The following NRG1 variants were observed in gnomAD, a reference collection of about 807,000 sequenced individuals.
The protein encoded by NRG1 is pro-neuregulin-1, membrane-bound isoform.
In NRG1, 18 loss-of-function variants were observed where a neutral mutation model predicts 63.8. The observed-to-expected ratio is 0.28, with a 90% confidence interval of 0.19 to 0.42. The LOEUF is 0.42. NRG1 is among the 10% of genes least tolerant of loss of function. The pLI, the probability that NRG1 is intolerant of heterozygous loss-of-function variation, is 1.00. For synonymous variants in NRG1, 302 were observed against 301.3 expected (o/e 1.00, Z -0.02); for missense variants, 762 against 814.7 (o/e 0.94, Z 0.79).
intron 1 of NRG1, among the ~76,000 whole-genome samples, chr8:31,975,759 T>C (rs1386038913): frequency 6.6e-6 from 1 of 152,188 alleles, no homozygotes; most frequent in Admixed American, 6.5e-5. Flanking sequence ...TCTGTGTCCC[T>C]GTAGTTAACA....
intron 1 of NRG1, among the ~76,000 whole-genome samples, chr8:32,238,581 G>T (rs1847810286): frequency 6.6e-6 from 1 of 152,158 alleles, no homozygotes; most frequent in South Asian, 2.1e-4. Flanking sequence ...GGAGAGAGAG[G>T]ATACCATTCT....
chr8:31,713,138 A>G (rs1357229035), intron 1 of NRG1, among the ~76,000 whole-genome samples: 3 of 109,372 alleles, frequency 2.7e-5, no homozygotes, highest in Admixed American at 1.2e-4. Flanking sequence ...TTTTTTTGAG[A>G]CGGAGTCTCG....
chr8:32,400,340 AGGTGTGGTGGTGCAACC>A (rs1262299364), intron 1 of NRG1, among the ~76,000 whole-genome samples: 1 of 152,180 alleles, frequency 6.6e-6, no homozygotes. Flanking sequence ...AAAATTAGCC[AGGTGTGGTGGTGCAACC>A]CTATAGTCTG....
chr8:32,002,371 T>C (rs1015606846), intron 1 of NRG1, among the ~76,000 whole-genome samples: 1 of 152,076 alleles, frequency 6.6e-6, no homozygotes, highest in Non-Finnish European at 1.5e-5. Context: ...CATTTATTTA[T>C]TTATTAATTC....
chr8:31,699,473 C>T (rs997055226), intron 1 of NRG1, among the ~76,000 whole-genome samples: 5 of 152,122 alleles, frequency 3.3e-5, no homozygotes, highest in Non-Finnish European at 5.9e-5. Flanking sequence ...TTTTTCTCCA[C>T]CTCTGATTTC....
chr8:32,190,234 T>G (rs1316231689), intron 1 of NRG1, among the ~76,000 whole-genome samples: 1 of 151,840 alleles, frequency 6.6e-6, no homozygotes, highest in South Asian at 2.1e-4. Flanking sequence ...TTTTAAAAAA[T>G]TGCTCTCCTC....
At chr8:32,044,158 C>A (rs1487892151) in intron 1 of NRG1, among the ~76,000 whole-genome samples, 1 of 151,530 alleles carries the variant, frequency 6.6e-6, no homozygotes, top group Non-Finnish European at 1.5e-5. Context: ...GTTGCTATAT[C>A]AATATTAGAC....
At chr8:31,690,052 C>T (rs755870047) in intron 1 of NRG1, among the ~76,000 whole-genome samples, 6 of 152,114 alleles carry the variant, frequency 3.9e-5, no homozygotes, top group South Asian at 2.1e-4. Context: ...GGGGTTTTAC[C>T]TCCATGCTTT....
intron 1 of NRG1, among the ~76,000 whole-genome samples, chr8:31,928,573 C>T (rs1834600995): frequency 1.3e-5 from 2 of 151,560 alleles, no homozygotes; most frequent in African/African-American, 4.9e-5. Flanking sequence ...AAGTGCCCAT[C>T]TACTGATGAG....
At chr8:32,550,342 G>A (rs182308999) in intron 1 of NRG1, among the ~76,000 whole-genome samples, 105 of 152,226 alleles carry the variant, frequency 6.9e-4, no homozygotes, top group African/African-American at 2.4e-3. Context: ...ACCTCCCTGC[G>A]TGACTTTGTC....
intron 1 of NRG1, among the ~76,000 whole-genome samples, chr8:32,258,485 A>G (rs1280513617): frequency 1.3e-5 from 2 of 152,206 alleles, no homozygotes; most frequent in Non-Finnish European, 2.9e-5. Flanking sequence ...TGCTATAAAG[A>G]ACTTCCTAAG....
At chr8:31,703,816 C>T (rs987072317) in intron 1 of NRG1, among the ~76,000 whole-genome samples, 2 of 152,214 alleles carry the variant, frequency 1.3e-5, no homozygotes, top group Non-Finnish European at 2.9e-5. Flanking sequence ...TATTTGTGCT[C>T]TTAGCTTATT....
intron 1 of NRG1, among the ~76,000 whole-genome samples, chr8:32,280,262 C>T (rs750509461): frequency 7.2e-5 from 11 of 152,226 alleles, no homozygotes; most frequent in Non-Finnish European, 8.8e-5. Flanking sequence ...GCAGGGAATA[C>T]GCACGCACAC....
rs138382229 is a variant in NRG1 at position 32,122,657 on chromosome 8, G to A, written c.38-473171G>A. On this transcript the variant is annotated intron_variant, in intron 1 of 10. Coordinates refer to the NRG1 transcript ENST00000519301. Reference sequence around the variant, plus strand: ...TTATTATTATACTTTAAGTTTTAGGGTACATGTGCACAATGTGCAGGTTAC... The same window carrying A: ...TTATTATTATACTTTAAGTTTTAGGATACATGTGCACAATGTGCAGGTTAC... Among the ~76,000 whole-genome samples, 1,018 of 150,856 alleles carry A rather than the reference G, an allele frequency of 6.7e-3. 8 individuals carry two copies. The highest frequency in any genetic ancestry group is 0.034 in the Middle Eastern group (10 of 290).
At chr8:32,733,110 G>A (rs1824143647) in intron 6 of NRG1, among the ~76,000 whole-genome samples, 1 of 151,974 alleles carries the variant, frequency 6.6e-6, no homozygotes. Flanking sequence ...CCTGGCCCAT[G>A]TTTAATTTCT....
At chr8:31,847,546 T>C (rs1346971561) in intron 1 of NRG1, among the ~76,000 whole-genome samples, 1 of 152,180 alleles carries the variant, frequency 6.6e-6, no homozygotes, top group African/African-American at 2.4e-5. Context: ...ATAAAAGAAA[T>C]GTTTTTCTTG....
At chr8:31,685,101 A>T (rs551802488) in intron 1 of NRG1, among the ~76,000 whole-genome samples, 1 of 152,058 alleles carries the variant, frequency 6.6e-6, no homozygotes, top group Non-Finnish European at 1.5e-5. Flanking sequence ...TTTAAAATTC[A>T]AGCTCACATA....
At chr8:32,063,330 A>G (rs1586829240) in intron 1 of NRG1, 1 of 152,172 alleles carries the variant, frequency 6.6e-6, no homozygotes, top group South Asian at 2.1e-4. Flanking sequence ...TCAAAATGAT[A>G]CTTAGCGAAA....
At chr8:32,593,249 G>T (rs1396465035) in intron 1 of NRG1, among the ~76,000 whole-genome samples, 1 of 152,148 alleles carries the variant, frequency 6.6e-6, no homozygotes, top group Non-Finnish European at 1.5e-5. Context: ...ATCCAGAGGG[G>T]TGAAGAATTC....
Sources: allele counts gnomAD v4.1 joint callset (sites outside exome capture counted in the v4.1 genomes callset), GRCh38; gene constraint gnomAD v4.1.1; transcripts MANE v1.5; gene names NCBI Gene and HGNC (gene_info 2026-07-23, HGNC 2026-07-21).